Variants in TSPEAR observed in about 807,000 individuals in gnomAD.
TSPEAR encodes thrombospondin-type laminin G domain and EAR repeat-containing protein.
A neutral mutation model predicts 71.6 loss-of-function variants in TSPEAR; 69 were observed. The ratio of observed to expected loss-of-function variants is 0.96; its 90% CI spans 0.79 to 1.18. TSPEAR has a LOEUF of 1.18. Among genes scored for constraint, TSPEAR ranks in the 50% most tolerant of loss-of-function variants. TSPEAR has a pLI of 0.00. For missense variants in TSPEAR, 971 were observed against 894.9 expected (o/e 1.09, Z -1.09); for synonymous variants, 402 against 387.2 (o/e 1.04, Z -0.45).
chr21:44,585,156 T>G (rs1979256992), intron 1 of TSPEAR, among the ~76,000 whole-genome samples: 1 of 152,180 alleles, frequency 6.6e-6, no homozygotes, highest in Non-Finnish European at 1.5e-5. Context: ...GCGTCATGGG[T>G]GGTAAACTTT....
intron 1 of TSPEAR, among the ~76,000 whole-genome samples, chr21:44,594,846 GC>G (rs1381587005): frequency 9.4e-6 from 1 of 106,190 alleles, no homozygotes; most frequent in African/African-American, 4.5e-5. Flanking sequence ...TTTTTGAGAT[GC>G]AGTCTCACTC....
chr21:44,517,139 C>G (rs1367203191), intron 9 of TSPEAR: 1 of 152,444 alleles, frequency 6.6e-6, no homozygotes, highest in Non-Finnish European at 1.5e-5. Context: ...AGCCCCCAAA[C>G]CCCCTCTTAT....
At chr21:44,619,239 T>A (rs76216313) in intron 1 of TSPEAR, among the ~76,000 whole-genome samples, 1,742 of 152,366 alleles carry the variant, frequency 0.011, 12 homozygotes, top group Non-Finnish European at 0.018. Flanking sequence ...AGGAACTCTC[T>A]GTCAAATTAC....
rs797034661 is a variant in TSPEAR, at chr21:44,506,580, C to T, written c.1755-1699G>A. ...TGGGGCCTTGGGCTCCTCACTCCTT[C>T]GGTCAGTCAGGGTGACATCTGGAGC... On this transcript the variant is annotated intron_variant, in intron 10 of 11. Coordinates refer to ENST00000323084, the MANE Select transcript of TSPEAR (RefSeq NM_144991.3). The surrounding 1 kb of genome is among the most constrained non-coding windows in gnomAD (Gnocchi z 4.2). Among the ~76,000 whole-genome samples the T allele has an allele frequency of 2.6e-5, 4 of 152,226 alleles. No homozygotes were observed. In the East Asian group the frequency reaches 5.8e-4, roughly 22 times the overall value.
chr21:44,573,728 C>T, intron 1 of TSPEAR: 1 of 1,598,428 alleles, frequency 6.3e-7, no homozygotes, highest in Non-Finnish European at 8.5e-7. Flanking sequence ...CCATCTCCCC[C>T]AGCTCAACCC....
At chr21:44,628,475 T>TC (rs1440352154) in intron 1 of TSPEAR, among the ~76,000 whole-genome samples, 3 of 151,718 alleles carry the variant, frequency 2.0e-5, no homozygotes, top group African/African-American at 7.3e-5. Flanking sequence ...TCTCTTTACT[T>TC]CCCCAGCTGG....
intron 1 of TSPEAR, among the ~76,000 whole-genome samples, chr21:44,679,256 G>T (rs782025962): frequency 6.6e-6 from 1 of 152,208 alleles, no homozygotes; most frequent in Middle Eastern, 3.4e-3. Flanking sequence ...TTTGGGGGTA[G>T]GTTTGCATAG....
chr21:44,589,035 A>G (rs1979561193), intron 1 of TSPEAR, among the ~76,000 whole-genome samples: 1 of 152,148 alleles, frequency 6.6e-6, no homozygotes, highest in Admixed American at 6.5e-5. Flanking sequence ...ATAAAAAACT[A>G]CAAATAGGGT....
rs1487738982 is a variant in TSPEAR, at chr21:44,540,977, TA to T, written c.304-7055del. Among the ~76,000 whole-genome samples the T allele has an allele frequency of 1.8e-3, 271 of 151,916 alleles. 4 individuals are homozygous for T. Among genetic ancestry groups the T allele is most frequent in the Middle Eastern group, 0.01 (3 of 292 alleles). On this transcript the variant is annotated intron_variant, in intron 2 of 11. Transcript: ENST00000323084. ...GTCCCGTTATCAATATTCTTAAATT[TA>T]TTTTTTTTTTTTTTTGTACAGATGG...
At chr21:44,585,843 C>T (rs782659368) in intron 1 of TSPEAR, among the ~76,000 whole-genome samples, 2 of 152,180 alleles carry the variant, frequency 1.3e-5, no homozygotes, top group African/African-American at 2.4e-5. Context: ...TTTCCTCATG[C>T]GTCTGAGGAC....
chr21:44,596,892 T>C (rs1980400109), intron 1 of TSPEAR, among the ~76,000 whole-genome samples: 1 of 152,248 alleles, frequency 6.6e-6, no homozygotes, highest in Non-Finnish European at 1.5e-5. Context: ...AATTAGCCCT[T>C]TCTCTGATAT....
chr21:44,537,295 T>C (rs374086854), intron 2 of TSPEAR, among the ~76,000 whole-genome samples: 4 of 152,074 alleles, frequency 2.6e-5, no homozygotes, highest in African/African-American at 9.7e-5. Context: ...ATCAAAATTA[T>C]AGCAGTTTAA....
chr21:44,553,279 A>G (rs2053475042), intron 2 of TSPEAR, among the ~76,000 whole-genome samples: 1 of 152,240 alleles, frequency 6.6e-6, no homozygotes, highest in Non-Finnish European at 1.5e-5. Flanking sequence ...TGACAGAACC[A>G]GGACTAGAAG....
At chr21:44,570,004 T>G (rs587757726) in intron 1 of TSPEAR, among the ~76,000 whole-genome samples, 1 of 152,232 alleles carries the variant, frequency 6.6e-6, no homozygotes, top group Admixed American at 6.5e-5. Context: ...TGCACCCTAC[T>G]GCCCCTCCCC....
rs587677296 is a variant in TSPEAR, at chr21:44,615,290, C to A, written c.83-47285G>T. Among the ~76,000 whole-genome samples, 69 of 152,366 alleles carry A rather than the reference C, an allele frequency of 4.5e-4. 1 individual carries two copies. The highest frequency in any genetic ancestry group is 6.8e-3 in the Middle Eastern group (2 of 294). ...CCCTGCACGAGGGCCGTGCGCTCAC[C>A]CGACCCGCACACACGCAGGAGCGCG... is the stretch of plus-strand genomic sequence containing the variant. On this transcript the variant is annotated intron_variant, in intron 1 of 11. Coordinates refer to ENST00000323084, the MANE Select transcript of TSPEAR (RefSeq NM_144991.3).
At chr21:44,629,830 A>G (rs1555935386) in intron 1 of TSPEAR, among the ~76,000 whole-genome samples, 1 of 152,286 alleles carries the variant, frequency 6.6e-6, no homozygotes, top group Non-Finnish European at 1.5e-5. Flanking sequence ...CCTGGCTCAT[A>G]AGGGGAACTC....
chr21:44,606,181 A>C (rs1299370363), intron 1 of TSPEAR, among the ~76,000 whole-genome samples: 2 of 150,036 alleles, frequency 1.3e-5, no homozygotes, highest in Non-Finnish European at 2.9e-5. Context: ...AAAAAAAAAA[A>C]AACTACATAA....
chr21:44,521,921 G>T lies in TSPEAR; in HGVS notation c.1528C>A (p.Arg510=). ...AAGAGCTGGAAGGAGCCCAGGAGTC[G>T]GATGTAGAGGTGCGAGTGCACCTTG... ...STKVHSHLYI[R]LLGSFQLFQS... is the part of the protein sequence containing the mutation. Residue 510 remains arginine (R), a synonymous_variant, in exon 9 of 12, where the codon CGA becomes AGA. Transcript: ENST00000323084. 1 of 1,614,046 alleles carries T rather than the reference G, an allele frequency of 6.2e-7. No individual in the cohort carries two copies. The highest frequency in any genetic ancestry group is 8.5e-7 in the Non-Finnish European group (1 of 1,179,998).
intron 1 of TSPEAR, among the ~76,000 whole-genome samples, chr21:44,594,270 C>T (rs1980205611): frequency 6.6e-6 from 1 of 152,128 alleles, no homozygotes; most frequent in Admixed American, 6.5e-5. Context: ...AAACTTTTGC[C>T]ATTGAGAAAT....
Sources: allele counts gnomAD v4.1 joint callset (sites outside exome capture counted in the v4.1 genomes callset), GRCh38; gene constraint gnomAD v4.1.1; non-coding constraint Gnocchi (gnomAD v3.1); transcripts MANE v1.5; gene names NCBI Gene and HGNC (gene_info 2026-07-23, HGNC 2026-07-21).